Variants in RNF145 observed in about 807,000 individuals in gnomAD.
RNF145 encodes the protein ring finger protein 145.
In RNF145, 12 loss-of-function variants were observed where a neutral mutation model predicts 57.3. The ratio of observed to expected loss-of-function variants is 0.21; its 90% confidence interval spans 0.13 to 0.34. RNF145 has a LOEUF of 0.34. Among genes scored for constraint, RNF145 ranks in the 10% least tolerant of loss-of-function variants. RNF145 has a pLI of 1.00. For missense variants in RNF145, 429 were observed against 799.0 expected, an observed-to-expected ratio of 0.54 and a Z score of 5.58; for synonymous variants, 262 against 288.3, an observed-to-expected ratio of 0.91 and a Z score of 0.92.
intron 2 of RNF145, among the ~76,000 whole-genome samples, 175 bp from the exon 3 acceptor site, chr5:159,194,999 G>A (rs111527594): frequency 1.1e-4 from 16 of 152,068 alleles, no homozygotes; most frequent in African/African-American, 2.7e-4. Context: ...ATTTTTTGTT[G>A]TTGAAAATGT....
chr5:159,197,903 G>A (rs938929960), intron 2 of RNF145, among the ~76,000 whole-genome samples: 17 of 152,124 alleles, frequency 1.1e-4, no homozygotes, highest in African/African-American at 3.9e-4. Flanking sequence ...GTTACAGTGA[G>A]GTTATGATTG....
chr5:159,182,719 C>T (rs113205400), intron 3 of RNF145, among the ~76,000 whole-genome samples: 15 of 152,000 alleles, frequency 9.9e-5, no homozygotes, highest in African/African-American at 3.6e-4. Flanking sequence ...ATAACCAGAG[C>T]CTTTACACAC....
chr5:159,199,477 G>A (rs1785588624), intron 2 of RNF145, among the ~76,000 whole-genome samples: 1 of 151,982 alleles, frequency 6.6e-6, no homozygotes, highest in Non-Finnish European at 1.5e-5. Context: ...ACATAAATGA[G>A]GGTTGAATTT....
In RNF145 at chr5:159,168,857, T is replaced by C. The variant is rs1784463734; in HGVS notation, c.1121+16A>G. On this transcript the variant is annotated intron_variant, in intron 8 of 10. Coordinates refer to ENST00000424310, the MANE Select transcript of RNF145 (RefSeq NM_001199383.2). ...ATTACATGAGTTAATTTAAAGAATA[T>C]TAAGAGGTTTCTTACTTGTCTCTAG... The C allele has an allele frequency of 1.4e-6, 2 of 1,465,490 alleles. No individual in the cohort carries two copies. Among genetic ancestry groups the C allele is most frequent in the Admixed American group, 5.0e-5 (2 of 40,274 alleles). The allele number at this position is 1,465,490 out of a possible 1,614,324, so 90.8% of individuals were successfully genotyped here.
intron 3 of RNF145, among the ~76,000 whole-genome samples, chr5:159,190,276 C>T (rs1213212030): frequency 6.6e-6 from 1 of 152,114 alleles, no homozygotes; most frequent in Non-Finnish European, 1.5e-5. Flanking sequence ...TCAAGCAATC[C>T]GCCTGCCTTG....
intron 8 of RNF145, among the ~76,000 whole-genome samples, chr5:159,168,410 A>T (rs1327514215): frequency 6.6e-6 from 1 of 151,974 alleles, no homozygotes; most frequent in Non-Finnish European, 1.5e-5. Flanking sequence ...TTTTTCCATA[A>T]ATGTCTATTT....
chr5:159,205,313 A>G (rs1785837780), intron 1 of RNF145, among the ~76,000 whole-genome samples: 1 of 152,230 alleles, frequency 6.6e-6, no homozygotes. Context: ...TCAGAACTAA[A>G]TATCATGTCC....
chr5:159,204,097 G>A (rs1021457948), intron 1 of RNF145, among the ~76,000 whole-genome samples: 4 of 152,266 alleles, frequency 2.6e-5, no homozygotes, highest in Admixed American at 6.5e-5. Flanking sequence ...ATAACTGCAC[G>A]TTTAGTTTGC....
intron 1 of RNF145, among the ~76,000 whole-genome samples, chr5:159,206,474 C>T (rs1445811743): frequency 5.9e-5 from 9 of 152,182 alleles, no homozygotes; most frequent in Non-Finnish European, 1.5e-5. Context: ...GCACCACACA[C>T]TAAACCAACA....
chr5:159,179,302 GTTGT>G (rs1422596382), intron 4 of RNF145, among the ~76,000 whole-genome samples: 3 of 152,040 alleles, frequency 2.0e-5, no homozygotes, highest in East Asian at 1.9e-4. Flanking sequence ...AAAAGAATAA[GTTGT>G]TTGTCTTCTG....
chr5:159,172,660 A>G (rs1784595796), intron 6 of RNF145, among the ~76,000 whole-genome samples: 1 of 152,214 alleles, frequency 6.6e-6, no homozygotes, highest in Non-Finnish European at 1.5e-5. Context: ...AATCTGATTC[A>G]GTACCAGTAT....
intron 3 of RNF145, among the ~76,000 whole-genome samples, chr5:159,191,588 C>T (rs955542956): frequency 1.3e-5 from 2 of 151,992 alleles, no homozygotes; most frequent in Non-Finnish European, 2.9e-5. Flanking sequence ...GTCAGGAGTT[C>T]AAGACCAGCC....
intron 1 of RNF145, among the ~76,000 whole-genome samples, chr5:159,208,286 C>T (rs1296398461): frequency 6.6e-6 from 1 of 152,214 alleles, no homozygotes; most frequent in East Asian, 1.9e-4. Context: ...AGGAAAGAGG[C>T]TCGAGAGCTC....
At chr5:159,171,263 C>T (rs1784546177) in intron 6 of RNF145, among the ~76,000 whole-genome samples, 3 of 152,104 alleles carry the variant, frequency 2.0e-5, no homozygotes, top group Non-Finnish European at 1.5e-5. Context: ...AAATTGTGTA[C>T]AATTTTACAA....
At chr5:159,196,781 G>A (rs1259543349) in intron 2 of RNF145, among the ~76,000 whole-genome samples, 5 of 152,266 alleles carry the variant, frequency 3.3e-5, no homozygotes, top group Non-Finnish European at 5.9e-5. Flanking sequence ...TAGTTACTAA[G>A]CATTTCCACT....
intron 3 of RNF145, among the ~76,000 whole-genome samples, chr5:159,182,284 T>C (rs1784918772): frequency 6.6e-6 from 1 of 152,066 alleles, no homozygotes; most frequent in South Asian, 2.1e-4. Context: ...AAGCTCCACA[T>C]TATGAAATTT....
chr5:159,184,978 T>A (rs928884459), intron 3 of RNF145, among the ~76,000 whole-genome samples: 1 of 152,174 alleles, frequency 6.6e-6, no homozygotes, highest in Non-Finnish European at 1.5e-5. Context: ...AGTGGTTTCC[T>A]CCCACTCGCT....
At chr5:159,192,537 A>G (rs551342744) in intron 3 of RNF145, among the ~76,000 whole-genome samples, 26 of 152,224 alleles carry the variant, frequency 1.7e-4, no homozygotes, top group Non-Finnish European at 2.9e-4. Flanking sequence ...TACATAAAAT[A>G]CCATGTAAAA....
upstream of RNF145, chr5:159,209,881 G>T: frequency 1.3e-6 from 2 of 1,536,136 alleles, no homozygotes; most frequent in Non-Finnish European, 1.7e-6. Flanking sequence ...AGAATTTGAA[G>T]GGCTGATCCT....
Sources: allele counts gnomAD v4.1 joint callset (sites outside exome capture counted in the v4.1 genomes callset), GRCh38; gene constraint gnomAD v4.1.1; transcripts MANE v1.5; gene names NCBI Gene and HGNC (gene_info 2026-07-23, HGNC 2026-07-21).